The following TAS2R1 variants were observed in gnomAD, a reference collection of about 807,000 sequenced individuals.
TAS2R1 encodes taste receptor type 2 member 1.
For synonymous variants in TAS2R1, 141 were observed against 134.2 expected (o/e 1.05, Z -0.35); for missense variants, 370 against 353.4 (o/e 1.05, Z -0.38).
the TAS2R1 span, among the ~76,000 whole-genome samples, chr5:9,783,576 C>A: frequency 1.3e-4 from 20 of 152,260 alleles, no homozygotes; most frequent in Admixed American, 1.3e-3. Context: ...CTTTTGATTA[C>A]AACATTGTAA....
At chr5:9,685,079 G>A (rs1326173378) in intron 1 of TAS2R1, among the ~76,000 whole-genome samples, 2 of 152,250 alleles carry the variant, frequency 1.3e-5, no homozygotes, top group East Asian at 3.9e-4. Context: ...GAATTCATAA[G>A]CCCATGGACT....
intron 1 of TAS2R1, among the ~76,000 whole-genome samples, chr5:9,706,520 T>C (rs890423501): frequency 2.0e-5 from 3 of 152,182 alleles, no homozygotes; most frequent in African/African-American, 7.2e-5. Flanking sequence ...GGGACCAGGC[T>C]AGTGAGAGTT....
chr5:9,718,341 G>A, the TAS2R1 span, among the ~76,000 whole-genome samples: 1 of 151,986 alleles, frequency 6.6e-6, no homozygotes, highest in Non-Finnish European at 1.5e-5. Context: ...AAGAATTAAT[G>A]TCACTAATGT....
upstream of TAS2R1, among the ~76,000 whole-genome samples, chr5:9,630,605 A>G (rs58171988): frequency 9.0e-3 from 1,366 of 152,344 alleles, 22 homozygotes; most frequent in African/African-American, 0.03. Context: ...AATATACATA[A>G]TAAAAGTATC....
At chr5:9,891,387 A>G in the TAS2R1 span, among the ~76,000 whole-genome samples, 2 of 152,220 alleles carry the variant, frequency 1.3e-5, no homozygotes. Flanking sequence ...TAGATGTACT[A>G]TTTTTGTCTT....
chr5:9,700,787 C>T (rs1741463596), intron 1 of TAS2R1, among the ~76,000 whole-genome samples: 1 of 152,116 alleles, frequency 6.6e-6, no homozygotes, highest in South Asian at 2.1e-4. Context: ...CTTCATGTGG[C>T]TTCTTTCTGT....
intron 1 of TAS2R1, among the ~76,000 whole-genome samples, chr5:9,692,244 G>A (rs1480670485): frequency 6.6e-6 from 1 of 152,174 alleles, no homozygotes; most frequent in Non-Finnish European, 1.5e-5. Context: ...GTAGTTCAGA[G>A]GCCAACTATA....
chr5:9,711,315 A>G (rs1223520661), intron 1 of TAS2R1, among the ~76,000 whole-genome samples: 2 of 152,228 alleles, frequency 1.3e-5, no homozygotes, highest in African/African-American at 4.8e-5. Flanking sequence ...TATCCATACA[A>G]TGGAATATTA....
At chr5:9,779,051 G>A in the TAS2R1 span, among the ~76,000 whole-genome samples, 5 of 152,222 alleles carry the variant, frequency 3.3e-5, no homozygotes, top group African/African-American at 1.2e-4. Flanking sequence ...AATGTGACCT[G>A]CAGTGTTGGA....
At chr5:9,698,226 T>C (rs1331270116) in intron 1 of TAS2R1, among the ~76,000 whole-genome samples, 1 of 152,206 alleles carries the variant, frequency 6.6e-6, no homozygotes, top group Non-Finnish European at 1.5e-5. Context: ...TCAGTGAATA[T>C]GTAGTTCTAA....
the TAS2R1 span, among the ~76,000 whole-genome samples, chr5:9,768,880 G>T: frequency 3.9e-5 from 6 of 152,082 alleles, no homozygotes; most frequent in Admixed American, 6.6e-5. Flanking sequence ...GGTAAATAGG[G>T]TATCCATCAA....
the TAS2R1 span, among the ~76,000 whole-genome samples, chr5:9,774,894 G>T: frequency 6.6e-6 from 1 of 152,208 alleles, no homozygotes; most frequent in Non-Finnish European, 1.5e-5. Context: ...CCACCACAGT[G>T]CTTGGTCTCA....
the TAS2R1 span, among the ~76,000 whole-genome samples, chr5:9,900,612 CA>C: frequency 7.5e-6 from 1 of 133,104 alleles, no homozygotes; most frequent in African/African-American, 2.9e-5. Flanking sequence ...TACACTTGCT[CA>C]AATGGTTTTT....
intron 1 of TAS2R1, among the ~76,000 whole-genome samples, chr5:9,708,097 A>C (rs376519848): frequency 1.3e-4 from 20 of 152,350 alleles, no homozygotes; most frequent in African/African-American, 4.6e-4. Context: ...ATTTGAAGGC[A>C]GCCGAGGAAA....
At chr5:9,852,043 GC>G in the TAS2R1 span, among the ~76,000 whole-genome samples, 1 of 152,174 alleles carries the variant, frequency 6.6e-6, no homozygotes, top group African/African-American at 2.4e-5. Flanking sequence ...CTGTAGAAGG[GC>G]TATCTCACTG....
the TAS2R1 span, among the ~76,000 whole-genome samples, chr5:9,760,088 C>A: frequency 6.6e-6 from 1 of 152,186 alleles, no homozygotes; most frequent in African/African-American, 2.4e-5. Context: ...GTTTTACCCA[C>A]AAATCTGATA....
Position 9,630,194 on chromosome 5 carries a change from G to T in TAS2R1, c.-162C>A. On this transcript the variant is annotated 5_prime_UTR_variant, in exon 1 of 1. Coordinates refer to ENST00000382492, the MANE Select transcript of TAS2R1 (RefSeq NM_019599.3). The stretch of plus-strand genomic sequence containing the variant: ...GTGGTGTACATTTGTTTATGTCACT[G>T]CTTTCTCTATTTAGTTCTGAGACAG... 1 of 540,550 alleles carries T rather than the reference G, an allele frequency of 1.8e-6. No individual in the cohort carries two copies. Among genetic ancestry groups the T allele is most frequent in the Non-Finnish European group, 3.2e-6 (1 of 312,922 alleles). 33.5% of individuals were successfully genotyped at this position (540,550 alleles called of 1,614,324 possible). A position where few individuals can be genotyped will look rare whatever the true frequency, so the allele number is the denominator to read the frequency against.
the TAS2R1 span, among the ~76,000 whole-genome samples, chr5:9,853,607 C>T: frequency 6.6e-6 from 1 of 152,074 alleles, no homozygotes; most frequent in East Asian, 1.9e-4. Flanking sequence ...TTAATCTGGT[C>T]CAGAGTCAAG....
chr5:9,656,246 T>C (rs191537420), intron 2 of TAS2R1, among the ~76,000 whole-genome samples: 2 of 152,308 alleles, frequency 1.3e-5, no homozygotes, highest in African/African-American at 4.8e-5. Context: ...AATTATCGAG[T>C]ATCAGCAAGA....
Sources: gnomAD v4.1 joint callset for allele counts (sites outside exome capture counted in the v4.1 genomes callset) on GRCh38, gnomAD v4.1.1 for gene constraint, MANE v1.5 for transcripts, NCBI Gene and HGNC (gene_info 2026-07-23, HGNC 2026-07-21) for gene names.